TRDMT1: variants seen among roughly 807,000 people sequenced by gnomAD.
TRDMT1 encodes tRNA (cytosine(38)-C(5))-methyltransferase.
A neutral mutation model predicts 51.2 loss-of-function variants in TRDMT1; 49 were observed. The ratio of observed to expected loss-of-function variants is 0.96; its 90% CI spans 0.76 to 1.21. The LOEUF (loss-of-function observed/expected upper bound fraction) is 1.21, where lower values mean the gene tolerates loss of function less well. Ranked by LOEUF, TRDMT1 falls within the 50% of genes most tolerant of loss-of-function variation. TRDMT1 has a pLI of 0.00. For missense variants in TRDMT1, 534 were observed against 462.3 expected (o/e 1.16, Z -1.42); for synonymous variants, 187 against 164.6 (o/e 1.14, Z -1.04).
chr10:17,169,626 G>C, intron 2 of TRDMT1: 1 of 838,210 alleles, frequency 1.2e-6, no homozygotes, highest in Non-Finnish European at 1.7e-6. Context: ...TCTTTAGCTA[G>C]AAACTTAAAG....
intron 1 of TRDMT1, among the ~76,000 whole-genome samples, chr10:17,182,179 T>C (rs1022307918): frequency 5.3e-5 from 8 of 152,206 alleles, no homozygotes; most frequent in Non-Finnish European, 8.8e-5. Flanking sequence ...CAGAGGCTAC[T>C]ACAGGCATTT....
At position 17,154,613 on chromosome 10, in the gene TRDMT1, C is replaced by T. The variant is rs1474922786; in HGVS notation, c.945+64G>A. ...ATGCATAAAATTATTCTAATGTTCT[C>T]AAAGTATTAAACAATTTTAGTTAAA... On this transcript the variant is annotated intron_variant, in intron 9 of 10. Transcript: ENST00000377799. 4.6e-6 allele frequency: 6 copies of T among 1,318,216 alleles called. No homozygotes were observed. In the East Asian group the frequency reaches 1.3e-4, roughly 28 times the overall value. 81.7% of individuals were successfully genotyped at this position (1,318,216 alleles called of 1,614,324 possible).
chr10:17,174,563 G>C lies in TRDMT1; in HGVS notation c.162C>G (p.Ala54=). The change falls in exon 2 of 11, where the codon GCC becomes GCG. Residue 54 remains alanine (A), a synonymous_variant. Transcript: ENST00000377799. ...GACAATTACTCACTTCAATCGTCTTGGCAAGTAACTGTGTGTGAGGAAAAT... is the reference window on the plus strand; with the variant it reads ...GACAATTACTCACTTCAATCGTCTTCGCAAGTAACTGTGTGTGAGGAAAAT... ...KYNFPHTQLL[A]KTIEGITLEE... is the part of the protein sequence containing the mutation. 6.2e-7 allele frequency: 1 copy of C among 1,609,766 alleles called. No individual in the cohort carries two copies. Among genetic ancestry groups the C allele is most frequent in the South Asian group, 1.1e-5 (1 of 90,914 alleles).
chr10:17,193,273 G>T (rs1008544173), intron 1 of TRDMT1, among the ~76,000 whole-genome samples: 3 of 152,180 alleles, frequency 2.0e-5, no homozygotes, highest in African/African-American at 7.2e-5. Flanking sequence ...TGAGGCAGGA[G>T]AATCGCTGGA....
chr10:17,161,141 A>G (rs907994200), intron 5 of TRDMT1, among the ~76,000 whole-genome samples: 8 of 152,206 alleles, frequency 5.3e-5, no homozygotes, highest in Non-Finnish European at 1.0e-4. Flanking sequence ...GGCAGAAAAT[A>G]CTTGTCAACA....
chr10:17,190,172 T>C (rs1398713127), intron 1 of TRDMT1, among the ~76,000 whole-genome samples: 2 of 152,156 alleles, frequency 1.3e-5, no homozygotes, highest in Admixed American at 6.5e-5. Context: ...AATTTTACGC[T>C]TTTAGACAAG....
rs1280899074 is a variant in TRDMT1 at position 17,157,568 on chromosome 10, T to C, written c.760A>G (p.Lys254Glu). ...TCAGTGTCATCTTCAAGAAAATCTT[T>C]TAGCATTTTCACAGAGAGATCACTA... is the stretch of plus-strand genomic sequence containing the variant. The part of the protein sequence containing the change: ...QDSDLSVKML[K>E]DFLEDDTDVN... Residue 254 changes from lysine (K) to glutamate (E), a missense_variant, in exon 8 of 11, where the codon AAA (lysine) becomes GAA (glutamate). Coordinates refer to ENST00000377799, the MANE Select transcript of TRDMT1 (RefSeq NM_004412.7). 8 of 1,614,090 alleles carry C rather than the reference T, an allele frequency of 5.0e-6. No homozygotes were observed. The Admixed American group carries it at 8.3e-5, about 17-fold the overall frequency.
intron 3 of TRDMT1, among the ~76,000 whole-genome samples, chr10:17,166,869 C>T (rs1247182981): frequency 6.6e-6 from 1 of 152,144 alleles, no homozygotes; most frequent in Non-Finnish European, 1.5e-5. Flanking sequence ...ATCCTGCTCA[C>T]TGTACTCCAC....
Position 17,161,414 on chromosome 10 carries a change from T to C in TRDMT1, c.389+69A>G, listed in dbSNP as rs1840339471. 3 of 1,164,856 alleles carry C rather than the reference T, an allele frequency of 2.6e-6. No homozygotes were observed. In the South Asian group the frequency reaches 6.4e-5, roughly 25 times the overall value. 72.2% of individuals were successfully genotyped at this position (1,164,856 alleles called of 1,614,324 possible). On this transcript the variant is annotated intron_variant, in intron 5 of 10. Coordinates refer to ENST00000377799, the MANE Select transcript of TRDMT1 (RefSeq NM_004412.7). ...TATGCACTGGTTTTTAAGATTTTTATTTCACAACAGTTCCTACTATAAGAT... is the reference window on the plus strand; with the variant it reads ...TATGCACTGGTTTTTAAGATTTTTACTTCACAACAGTTCCTACTATAAGAT...
intron 3 of TRDMT1, among the ~76,000 whole-genome samples, chr10:17,164,489 A>T (rs970574137): frequency 1.3e-5 from 2 of 152,226 alleles, no homozygotes; most frequent in African/African-American, 4.8e-5. Flanking sequence ...CATCACTTCT[A>T]TTCAACATAG....
chr10:17,164,770 T>C (rs1440905055), intron 3 of TRDMT1, among the ~76,000 whole-genome samples: 3 of 152,154 alleles, frequency 2.0e-5, no homozygotes, highest in African/African-American at 4.8e-5. Flanking sequence ...CCATTCACAA[T>C]TGCTTCAAAG....
intron 3 of TRDMT1, among the ~76,000 whole-genome samples, chr10:17,163,897 G>A (rs1335601618): frequency 1.3e-5 from 2 of 152,068 alleles, no homozygotes; most frequent in Non-Finnish European, 2.9e-5. Context: ...CCAAAAAAAA[G>A]TCCAGGACCA....
Position 17,146,024 on chromosome 10 carries a change from G to A in TRDMT1, c.*3016C>T, listed in dbSNP as rs7071287. 0.15 allele frequency: 145,978 copies of A among 985,186 alleles called. 11,001 individuals carry two copies. The highest frequency in any genetic ancestry group is 0.17 in the Admixed American group (2,780 of 16,254). 61.0% of individuals were successfully genotyped at this position (985,186 alleles called of 1,614,324 possible). A position where few individuals can be genotyped will look rare whatever the true frequency, so the allele number is the denominator to read the frequency against. On this transcript the variant is annotated 3_prime_UTR_variant, in exon 11 of 11. Coordinates refer to ENST00000377799, the MANE Select transcript of TRDMT1 (RefSeq NM_004412.7). ...TGAGAACTTCCACCCCTACCAATGC[G>A]TTGAATTGCCTGCACTCATCTCTAA...
At chr10:17,186,049 TAATA>T (rs10688504) in intron 1 of TRDMT1, among the ~76,000 whole-genome samples, 25,232 of 142,924 alleles carry the variant, frequency 0.18, 2,302 homozygotes, top group African/African-American at 0.22. Flanking sequence ...ACTTACAGTA[TAATA>T]AATAAATAAA....
intron 7 of TRDMT1, 40 bp downstream of exon 7, chr10:17,159,106 A>G (rs755868361): frequency 6.2e-6 from 8 of 1,297,064 alleles, no homozygotes; most frequent in Non-Finnish European, 8.6e-6. Flanking sequence ...TTTATAATAA[A>G]TAAGCCATAA....
In TRDMT1 at chr10:17,153,507, C is replaced by G. The variant is rs201588841; in HGVS notation, c.1075G>C (p.Gly359Arg). 7 of 1,613,858 alleles carry G rather than the reference C, an allele frequency of 4.3e-6. No homozygotes were observed. The highest frequency in any genetic ancestry group is 5.9e-6 in the Non-Finnish European group (7 of 1,179,898). ...ANLLGFPPEF[G>R]FPEKITVKQR... ...TGAATTCTGCACGTATCCCACATACCGAACTCTGGAGGAAATCCAAGGAGA... is the reference window on the plus strand; with the variant it reads ...TGAATTCTGCACGTATCCCACATACGGAACTCTGGAGGAAATCCAAGGAGA... The change falls in exon 10 of 11, where the codon GGA becomes CGA. Residue 359 changes from glycine (G) to arginine (R), a missense_variant and splice_region_variant. Gly to Arg is a moderately radical substitution (Grantham distance 125). Coordinates refer to ENST00000377799, the MANE Select transcript of TRDMT1 (RefSeq NM_004412.7).
chr10:17,186,116 T>C (rs1264119437), intron 1 of TRDMT1, among the ~76,000 whole-genome samples: 1 of 151,912 alleles, frequency 6.6e-6, no homozygotes, highest in African/African-American at 2.4e-5. Flanking sequence ...GAGCATCAAT[T>C]AACAGTCAAT....
chr10:17,144,783 C>A lies in TRDMT1; in HGVS notation c.*4257G>T. The A allele has an allele frequency of 1.0e-6, 1 of 984,738 alleles. No homozygotes were observed. The allele number at this position is 984,738 out of a possible 1,614,324, so 61.0% of individuals were successfully genotyped here. On this transcript the variant is annotated 3_prime_UTR_variant, in exon 11 of 11. Coordinates refer to ENST00000377799, the MANE Select transcript of TRDMT1 (RefSeq NM_004412.7). ...GACAGCCTAAAGAGAGAAACGGAAG[C>A]TAGAAACAACAACAACAAAAAATAC...
intron 1 of TRDMT1, among the ~76,000 whole-genome samples, chr10:17,196,050 C>T (rs953449928): frequency 5.9e-5 from 9 of 152,184 alleles, no homozygotes; most frequent in African/African-American, 1.9e-4. Context: ...ATGTAGTTGC[C>T]TGATTCAGTT....
Sources: allele counts gnomAD v4.1 joint callset (sites outside exome capture counted in the v4.1 genomes callset), GRCh38; gene constraint gnomAD v4.1.1; transcripts MANE v1.5; gene names NCBI Gene and HGNC (gene_info 2026-07-23, HGNC 2026-07-21).